Variants in AKR1C8 observed in about 807,000 individuals in gnomAD.
AKR1C8 encodes the protein aldo-keto reductase family 1 member C-like protein 1.
At chr10:5,138,607 G>A in the AKR1C8 span, among the ~76,000 whole-genome samples, 1 of 152,126 alleles carries the variant, frequency 6.6e-6, no homozygotes, top group Non-Finnish European at 1.5e-5. Context: ...GAAGATAACA[G>A]GATTAAGAGA....
At chr10:5,137,839 A>G in the AKR1C8 span, among the ~76,000 whole-genome samples, 1 of 152,096 alleles carries the variant, frequency 6.6e-6, no homozygotes, top group Non-Finnish European at 1.5e-5. Context: ...GAGCCTCAAA[A>G]CCAGCAAATT....
At chr10:5,184,996 C>G in the AKR1C8 span, 1 of 534,482 alleles carries the variant, frequency 1.9e-6, no homozygotes, top group Non-Finnish European at 3.8e-6. Context: ...ACTTCAGCCT[C>G]CTGGGGTCCA....
At chr10:5,119,652 C>T in the AKR1C8 span, among the ~76,000 whole-genome samples, 115 of 152,134 alleles carry the variant, frequency 7.6e-4, no homozygotes, top group Middle Eastern at 3.4e-3. Context: ...GAAAGGCAGG[C>T]GAACAGAAAC....
the AKR1C8 span, chr10:5,122,018 A>C: frequency 4.1e-6 from 1 of 246,440 alleles, no homozygotes; most frequent in Non-Finnish European, 8.4e-6. Context: ...TGATGTAGGA[A>C]AGATGTGTCC....
chr10:5,146,424 A>C, the AKR1C8 span, among the ~76,000 whole-genome samples: 198 of 152,278 alleles, frequency 1.3e-3, no homozygotes, highest in Middle Eastern at 6.8e-3. Context: ...AAAGTTAAAA[A>C]AATTAGCTCA....
the AKR1C8 span, among the ~76,000 whole-genome samples, chr10:5,121,628 C>A: frequency 6.6e-6 from 1 of 151,702 alleles, no homozygotes; most frequent in Non-Finnish European, 1.5e-5. Context: ...CTAGGACCTA[C>A]GCACATTTAC....
At chr10:5,140,195 G>C in the AKR1C8 span, among the ~76,000 whole-genome samples, 1 of 152,118 alleles carries the variant, frequency 6.6e-6, no homozygotes, top group African/African-American at 2.4e-5. Context: ...TTACACTGTT[G>C]GTGGGAGTGT....
chr10:5,152,758 A>G, the AKR1C8 span, among the ~76,000 whole-genome samples: 4 of 152,170 alleles, frequency 2.6e-5, no homozygotes, highest in African/African-American at 9.7e-5. Flanking sequence ...ATTAAATTGT[A>G]TGCCTTTTCA....
At chr10:5,157,553 C>T in the AKR1C8 span, 11 of 395,534 alleles carry the variant, frequency 2.8e-5, no homozygotes, top group African/African-American at 1.2e-4. Flanking sequence ...ATGAATGACA[C>T]GTGTCGCATT....
the AKR1C8 span, among the ~76,000 whole-genome samples, chr10:5,171,702 C>T: frequency 3.5e-3 from 526 of 151,986 alleles, 2 homozygotes; most frequent in African/African-American, 0.012. Context: ...AAGAAAAACC[C>T]ATTGTGCTTT....
At chr10:5,140,484 C>T in the AKR1C8 span, among the ~76,000 whole-genome samples, 1 of 152,114 alleles carries the variant, frequency 6.6e-6, no homozygotes, top group Non-Finnish European at 1.5e-5. Context: ...AGGATGAGTT[C>T]ATGTCCTTTG....
At chr10:5,172,281 A>C in the AKR1C8 span, among the ~76,000 whole-genome samples, 1 of 152,114 alleles carries the variant, frequency 6.6e-6, no homozygotes, top group Non-Finnish European at 1.5e-5. Flanking sequence ...GATATGCCTT[A>C]ATTTTTTGAC....
At chr10:5,145,919 T>C in the AKR1C8 span, among the ~76,000 whole-genome samples, 1 of 152,024 alleles carries the variant, frequency 6.6e-6, no homozygotes, top group African/African-American at 2.4e-5. Context: ...TGCGGCACTA[T>C]TCACAATAGC....
chr10:5,161,559 G>A, the AKR1C8 span, among the ~76,000 whole-genome samples: 4 of 152,108 alleles, frequency 2.6e-5, no homozygotes, highest in Admixed American at 2.6e-4. Context: ...CTTCCATTCA[G>A]GAACACAAGC....
At chr10:5,183,212 T>G in the AKR1C8 span, among the ~76,000 whole-genome samples, 6 of 152,066 alleles carry the variant, frequency 3.9e-5, no homozygotes, top group African/African-American at 1.2e-4. Context: ...AATATAAAAT[T>G]TAGAACAATA....
chr10:5,139,375 G>A, the AKR1C8 span, among the ~76,000 whole-genome samples: 1 of 152,144 alleles, frequency 6.6e-6, no homozygotes, highest in African/African-American at 2.4e-5. Context: ...AAAGCTGGAG[G>A]CATTATGCTA....
chr10:5,141,252 T>A, the AKR1C8 span, among the ~76,000 whole-genome samples: 8 of 152,176 alleles, frequency 5.3e-5, no homozygotes, highest in Admixed American at 1.3e-4. Flanking sequence ...AGTTTTATCA[T>A]GAAATTACAG....
the AKR1C8 span, among the ~76,000 whole-genome samples, chr10:5,179,767 A>G: frequency 6.6e-6 from 1 of 152,034 alleles, no homozygotes; most frequent in Non-Finnish European, 1.5e-5. Flanking sequence ...TGATTGCATC[A>G]GCTCCTGAGG....
the AKR1C8 span, among the ~76,000 whole-genome samples, chr10:5,180,021 C>A: frequency 2.0e-5 from 3 of 152,240 alleles, no homozygotes; most frequent in Non-Finnish European, 4.4e-5. Flanking sequence ...TGGTGAGGAA[C>A]TGCGTTCGTT....
Sources: gnomAD v4.1 joint callset for allele counts (sites outside exome capture counted in the v4.1 genomes callset) on GRCh38, gnomAD v4.1.1 for gene constraint, MANE v1.5 for transcripts, NCBI Gene and HGNC (gene_info 2026-07-23, HGNC 2026-07-21) for gene names.